Variants in CMIP observed in about 807,000 individuals in gnomAD.
CMIP encodes c-Maf inducing protein.
A neutral mutation model predicts 97.3 loss-of-function variants in CMIP; 13 were observed. The observed-to-expected ratio is 0.13, with a 90% confidence interval of 0.09 to 0.21. The LOEUF is 0.21. CMIP is among the 10% of genes least tolerant of loss of function. CMIP has a pLI of 1.00. For missense variants in CMIP, 847 were observed against 1,024.9 expected (o/e 0.83, Z 2.37); for synonymous variants, 538 against 436.3 (o/e 1.23, Z -2.91).
At chr16:81,501,531 G>T (rs2089611927) in intron 1 of CMIP, among the ~76,000 whole-genome samples, 1 of 152,136 alleles carries the variant, frequency 6.6e-6, no homozygotes, top group South Asian at 2.1e-4. Context: ...TGCGGTAGCT[G>T]GGGGTGGAGT....
At chr16:81,629,300 G>A (rs1356276917) in intron 3 of CMIP, among the ~76,000 whole-genome samples, 1 of 152,056 alleles carries the variant, frequency 6.6e-6, no homozygotes, top group Non-Finnish European at 1.5e-5. Flanking sequence ...GTCACACTCA[G>A]GACTGACCCG....
At chr16:81,574,459 G>A (rs1413482909) in intron 1 of CMIP, among the ~76,000 whole-genome samples, 2 of 152,274 alleles carry the variant, frequency 1.3e-5, no homozygotes, top group African/African-American at 4.8e-5. Context: ...TCTCAGCTGG[G>A]TACAGCCGTG....
chr16:81,560,559 C>G (rs1567580018), intron 1 of CMIP, among the ~76,000 whole-genome samples: 1 of 152,166 alleles, frequency 6.6e-6, no homozygotes, highest in Non-Finnish European at 1.5e-5. Context: ...CCTAAGTGTA[C>G]AGTGTTTATG....
intron 1 of CMIP, among the ~76,000 whole-genome samples, chr16:81,487,948 C>CTCGGCT (rs1297852563): frequency 2.6e-5 from 4 of 152,334 alleles, no homozygotes; most frequent in African/African-American, 4.8e-5. Flanking sequence ...AATGACTGCT[C>CTCGGCT]TCGGCTTCTG....
chr16:81,642,338 C>G, intron 3 of CMIP, among the ~76,000 whole-genome samples: 1 of 152,108 alleles, frequency 6.6e-6, no homozygotes, highest in Non-Finnish European at 1.5e-5. Flanking sequence ...GAGACAGTGC[C>G]CCACTCAGAG....
At chr16:81,625,841 C>T (rs941599466) in intron 3 of CMIP, among the ~76,000 whole-genome samples, 1 of 152,224 alleles carries the variant, frequency 6.6e-6, no homozygotes, top group African/African-American at 2.4e-5. Context: ...GGCCGAGGCA[C>T]ACTAGTCCTG....
intron 1 of CMIP, among the ~76,000 whole-genome samples, chr16:81,576,482 T>C (rs1410572319): frequency 6.6e-6 from 1 of 151,668 alleles, no homozygotes; most frequent in Non-Finnish European, 1.5e-5. Flanking sequence ...ATCACATCAG[T>C]TTTAAGGGAG....
chr16:81,600,211 G>C (rs1042547678), intron 1 of CMIP, among the ~76,000 whole-genome samples: 1 of 147,732 alleles, frequency 6.8e-6, no homozygotes, highest in African/African-American at 2.5e-5. Flanking sequence ...GGGAGGCGGA[G>C]GTTGCAGTGA....
intron 1 of CMIP, among the ~76,000 whole-genome samples, chr16:81,605,805 C>A (rs942518469): frequency 6.6e-6 from 1 of 152,238 alleles, no homozygotes; most frequent in African/African-American, 2.4e-5. Flanking sequence ...TGTCTGTTTG[C>A]CCACTAAGCT....
intron 1 of CMIP, among the ~76,000 whole-genome samples, chr16:81,511,787 C>G (rs1318430887): frequency 2.0e-5 from 3 of 152,178 alleles, no homozygotes; most frequent in Non-Finnish European, 4.4e-5. Flanking sequence ...GTCTCGAACT[C>G]CTGGGCTCAA....
intron 20 of CMIP, among the ~76,000 whole-genome samples, chr16:81,708,173 C>T (rs991998791): frequency 6.6e-6 from 1 of 152,182 alleles, no homozygotes; most frequent in Admixed American, 6.5e-5. Context: ...GAGGGACAGT[C>T]GGTAGAGAGC....
intron 3 of CMIP, among the ~76,000 whole-genome samples, chr16:81,633,906 C>G (rs1186702308): frequency 6.6e-6 from 1 of 152,244 alleles, no homozygotes; most frequent in African/African-American, 2.4e-5. Context: ...GACCATTCAT[C>G]ATGTCTGTTG....
At chr16:81,597,347 C>G (rs553933935) in intron 1 of CMIP, among the ~76,000 whole-genome samples, 37 of 152,322 alleles carry the variant, frequency 2.4e-4, no homozygotes, top group African/African-American at 8.2e-4. Flanking sequence ...CTGGTAACCC[C>G]TCTGGTCTTT....
chr16:81,559,963 C>T (rs187827689), intron 1 of CMIP, among the ~76,000 whole-genome samples: 2 of 151,834 alleles, frequency 1.3e-5, no homozygotes, highest in African/African-American at 4.8e-5. Flanking sequence ...GCCCGGCCAA[C>T]GTGTTGAATC....
At chr16:81,479,840 T>C (rs1242555270) in intron 1 of CMIP, among the ~76,000 whole-genome samples, 4 of 152,196 alleles carry the variant, frequency 2.6e-5, no homozygotes, top group Non-Finnish European at 5.9e-5. Context: ...TTAAATTTGA[T>C]TTGCATTTGC....
chr16:81,693,426 T>C lies in CMIP; in HGVS notation c.1482-13T>C, dbSNP rs762228002. ...GACCCCGGCAGTAACTCCGGCCGCC[T>C]CGTCTCTTCCAGGGAACTGAAGTAC... On this transcript the variant is annotated splice_polypyrimidine_tract_variant and intron_variant, in intron 12 of 20. Transcript: ENST00000537098. 6.2e-7 allele frequency: 1 copy of C among 1,610,018 alleles called. No homozygotes were observed. Among genetic ancestry groups the C allele is most frequent in the South Asian group, 1.1e-5 (1 of 90,334 alleles).
At chr16:81,562,754 C>T (rs1019815095) in intron 1 of CMIP, among the ~76,000 whole-genome samples, 2 of 152,248 alleles carry the variant, frequency 1.3e-5, no homozygotes, top group Non-Finnish European at 2.9e-5. Flanking sequence ...GTTCATATCA[C>T]ATACCCATCC....
At chr16:81,540,935 T>A (rs1044186928) in intron 1 of CMIP, among the ~76,000 whole-genome samples, 16 of 150,830 alleles carry the variant, frequency 1.1e-4, no homozygotes, top group African/African-American at 3.9e-4. Context: ...CCACGTCTGC[T>A]TCCCAAAGTG....
At chr16:81,571,322 A>C (rs1005924708) in intron 1 of CMIP, among the ~76,000 whole-genome samples, 1 of 152,052 alleles carries the variant, frequency 6.6e-6, no homozygotes, top group African/African-American at 2.4e-5. Context: ...CTAAAAAATT[A>C]GCTAGATGCA....
Sources: allele counts gnomAD v4.1 joint callset (sites outside exome capture counted in the v4.1 genomes callset), GRCh38; gene constraint gnomAD v4.1.1; transcripts MANE v1.5; gene names NCBI Gene and HGNC (gene_info 2026-07-23, HGNC 2026-07-21).